Variants in ADGRB3 observed in about 807,000 individuals in gnomAD.
ADGRB3 encodes adhesion G protein-coupled receptor B3.
Under a neutral mutation model 193.4 loss-of-function variants are expected in ADGRB3, and 37 were observed. The ratio of observed to expected loss-of-function variants is 0.19; its 90% CI spans 0.15 to 0.25. The LOEUF (loss-of-function observed/expected upper bound fraction) is 0.25, where lower values mean the gene tolerates loss of function less well. Among genes scored for constraint, ADGRB3 ranks in the 10% least tolerant of loss-of-function variants. The pLI is 1.00. For missense variants in ADGRB3, 1,637 were observed against 1,852.9 expected (o/e 0.88, Z 2.14); for synonymous variants, 690 against 644.2 (o/e 1.07, Z -1.08).
intron 3 of ADGRB3, among the ~76,000 whole-genome samples, chr6:68,913,377 C>T (rs1417964307): frequency 3.3e-5 from 5 of 152,328 alleles, no homozygotes; most frequent in African/African-American, 4.8e-5. Flanking sequence ...CAGCAACATT[C>T]GTGGTTCACG....
intron 3 of ADGRB3, among the ~76,000 whole-genome samples, chr6:68,908,083 A>G (rs1256976033): frequency 1.3e-5 from 2 of 151,946 alleles, no homozygotes; most frequent in Non-Finnish European, 1.5e-5. Flanking sequence ...GTTTACAATA[A>G]TATCAACTTT....
chr6:68,975,418 C>G, intron 10 of ADGRB3, 78 bp downstream of exon 10: 1 of 1,074,564 alleles, frequency 9.3e-7, no homozygotes, highest in Non-Finnish European at 1.4e-6. Context: ...TAACCTTCTG[C>G]TGTACAATCA....
chr6:68,687,306 C>T (rs1056136210), intron 3 of ADGRB3, among the ~76,000 whole-genome samples: 1 of 151,890 alleles, frequency 6.6e-6, no homozygotes, highest in Non-Finnish European at 1.5e-5. Flanking sequence ...TATAAATGTA[C>T]ACACATGCTC....
intron 3 of ADGRB3, among the ~76,000 whole-genome samples, chr6:68,677,521 C>CTTT (rs1002070733): frequency 1.0e-4 from 12 of 120,336 alleles, no homozygotes; most frequent in Non-Finnish European, 1.7e-4. Flanking sequence ...TTCTTTTTTT[C>CTTT]TTTTTTTTTT....
chr6:69,311,510 A>G (rs900844336), intron 20 of ADGRB3, among the ~76,000 whole-genome samples: 4 of 151,690 alleles, frequency 2.6e-5, no homozygotes, highest in African/African-American at 7.3e-5. Flanking sequence ...AATTCTTGGC[A>G]AAGAGAATTT....
intron 16 of ADGRB3, among the ~76,000 whole-genome samples, chr6:69,074,825 G>C (rs530289352): frequency 1.3e-5 from 2 of 152,088 alleles, no homozygotes; most frequent in African/African-American, 2.4e-5. Context: ...GATTACAGGC[G>C]TGAGCCACTG....
chr6:68,771,427 C>A (rs1045073697), intron 3 of ADGRB3, among the ~76,000 whole-genome samples: 2 of 151,872 alleles, frequency 1.3e-5, no homozygotes, highest in African/African-American at 4.8e-5. Context: ...TGTATACACA[C>A]ACATACATAT....
chr6:68,785,016 A>G (rs1766933669), intron 3 of ADGRB3, among the ~76,000 whole-genome samples: 1 of 152,114 alleles, frequency 6.6e-6, no homozygotes, highest in Non-Finnish European at 1.5e-5. Flanking sequence ...AATTATGGAT[A>G]ATAACCATAT....
intron 8 of ADGRB3, among the ~76,000 whole-genome samples, chr6:68,965,787 A>G (rs1768364942): frequency 6.6e-6 from 1 of 152,170 alleles, no homozygotes; most frequent in Admixed American, 6.6e-5. Flanking sequence ...CCTTTTAGCT[A>G]AGGCATACAA....
intron 3 of ADGRB3, among the ~76,000 whole-genome samples, chr6:68,696,725 A>C (rs1024025912): frequency 1.3e-5 from 2 of 152,082 alleles, no homozygotes; most frequent in Non-Finnish European, 2.9e-5. Context: ...CTATTTTAAC[A>C]ATCATAAAGT....
In ADGRB3 at chr6:68,814,400, T is replaced by G. The variant is rs377439017; in HGVS notation, c.758-116159T>G. Among the ~76,000 whole-genome samples, 299 of 152,204 alleles carry G rather than the reference T, an allele frequency of 2.0e-3. 1 individual carries two copies. Among genetic ancestry groups the G allele is most frequent in the African/African-American group, 6.5e-3 (268 of 41,520 alleles). ...ATATCCTTCACCCACTTTTTGATGG[T>G]GTTGTTTGTTTTTTTCTTGTAAATT... On this transcript the variant is annotated intron_variant, in intron 3 of 31. Transcript: ENST00000370598.
intron 13 of ADGRB3, among the ~76,000 whole-genome samples, chr6:69,046,297 A>G (rs576157394): frequency 1.1e-3 from 172 of 152,266 alleles, no homozygotes; most frequent in African/African-American, 4.1e-3. Flanking sequence ...CTAAACCCCA[A>G]GACATCAAAA....
intron 3 of ADGRB3, among the ~76,000 whole-genome samples, chr6:68,897,237 G>C (rs971953835): frequency 6.6e-6 from 1 of 151,810 alleles, no homozygotes; most frequent in Non-Finnish European, 1.5e-5. Flanking sequence ...ACTTAGGCCT[G>C]CAATGCCAGC....
chr6:69,376,595 G>GT lies in ADGRB3; in HGVS notation c.4275+4154_4275+4155insT, dbSNP rs555120966. 2.3e-3 allele frequency among the ~76,000 whole-genome samples: 348 copies of GT among 152,056 alleles called. 1 individual carries two copies. The highest frequency in any genetic ancestry group is 7.3e-3 in the African/African-American group (304 of 41,506). On this transcript the variant is annotated intron_variant, in intron 30 of 31. Transcript: ENST00000370598. ...TTACAAGGAGATTTGGGGGATAATA[G>GT]AAGTAAGAGATCATTTTATATTAAC...
chr6:68,813,397 A>G (rs1052959383), intron 3 of ADGRB3, among the ~76,000 whole-genome samples: 1 of 152,156 alleles, frequency 6.6e-6, no homozygotes, highest in African/African-American at 2.4e-5. Context: ...ACTGGGCTAC[A>G]TTGGGCTTGC....
chr6:69,238,633 A>C (rs1360744336), intron 19 of ADGRB3, among the ~76,000 whole-genome samples: 1 of 152,044 alleles, frequency 6.6e-6, no homozygotes, highest in East Asian at 1.9e-4. Flanking sequence ...CAGTTTCATG[A>C]AAGTAATGGT....
At chr6:69,070,084 G>C (rs1394594562) in intron 16 of ADGRB3, among the ~76,000 whole-genome samples, 3 of 152,126 alleles carry the variant, frequency 2.0e-5, no homozygotes, top group Non-Finnish European at 2.9e-5. Flanking sequence ...ATCTGACTCA[G>C]AGCACTGGAA....
intron 17 of ADGRB3, among the ~76,000 whole-genome samples, chr6:69,119,729 C>A (rs1176537537): frequency 2.0e-5 from 3 of 152,096 alleles, no homozygotes; most frequent in African/African-American, 7.2e-5. Flanking sequence ...GCAGGGAAGA[C>A]TTATCAGGAG....
rs1192193220 is a variant in ADGRB3, at chr6:69,339,357, G to T, written c.3312G>T (p.Val1104=). 2 of 1,613,960 alleles carry T rather than the reference G, an allele frequency of 1.2e-6. No homozygotes were observed. Among genetic ancestry groups the T allele is most frequent in the South Asian group, 2.2e-5 (2 of 91,076 alleles). The change falls in exon 26 of 32, where the codon GTG becomes GTT. Residue 1104 remains valine, a synonymous_variant. Coordinates refer to ENST00000370598, the MANE Select transcript of ADGRB3 (RefSeq NM_001704.3). ...GGGCGTCTCTTTGGAGCTCCTGTGT[G>T]GTGTTGCCCCTTCTGGCTTTGACGT... is the stretch of plus-strand genomic sequence containing the variant. ...NAMASLWSSC[V]VLPLLALTWM...
Sources: allele counts gnomAD v4.1 joint callset (sites outside exome capture counted in the v4.1 genomes callset), GRCh38; gene constraint gnomAD v4.1.1; transcripts MANE v1.5; gene names NCBI Gene and HGNC (gene_info 2026-07-23, HGNC 2026-07-21).